Variants in PIGU observed in about 807,000 individuals in gnomAD.
The protein encoded by PIGU is GPI-anchor transamidase component PIGU.
PIGU carries 24 observed loss-of-function variants against 49.9 expected under a neutral mutation model. The observed-to-expected ratio is 0.48, with a 90% confidence interval of 0.35 to 0.68. The LOEUF (loss-of-function observed/expected upper bound fraction) is 0.68. PIGU is among the 30% of genes least tolerant of loss of function. The pLI is 0.01. For missense variants in PIGU, 490 were observed against 532.6 expected (o/e 0.92, Z 0.79); for synonymous variants, 220 against 205.7 (o/e 1.07, Z -0.59).
At chr20:34,656,839 G>A (rs6059968) in intron 2 of PIGU, among the ~76,000 whole-genome samples, 150,994 of 151,972 alleles carry the variant, frequency 0.99, 75,019 homozygotes, top group East Asian at 1. Flanking sequence ...CATTACTGCC[G>A]TAGTTTTCAT....
intron 1 of PIGU, among the ~76,000 whole-genome samples, chr20:34,660,239 G>A (rs1031250645): frequency 6.6e-6 from 1 of 152,018 alleles, no homozygotes; most frequent in Non-Finnish European, 1.5e-5. Context: ...AATCATCAAT[G>A]GATGCTAAAA....
chr20:34,647,555 C>T (rs1159726852), intron 2 of PIGU, among the ~76,000 whole-genome samples: 2 of 151,944 alleles, frequency 1.3e-5, no homozygotes, highest in Non-Finnish European at 2.9e-5. Context: ...CCACCATGCC[C>T]GGCCTAATTT....
intron 11 of PIGU, among the ~76,000 whole-genome samples, chr20:34,562,842 C>A (rs1345921760): frequency 6.6e-6 from 1 of 152,204 alleles, no homozygotes; most frequent in Non-Finnish European, 1.5e-5. Context: ...CAAAGGCTGA[C>A]CTCATACCCT....
chr20:34,582,578 GCT>G (rs1181246304), intron 9 of PIGU, among the ~76,000 whole-genome samples: 1 of 152,120 alleles, frequency 6.6e-6, no homozygotes, highest in Non-Finnish European at 1.5e-5. Flanking sequence ...TATTCAGGAG[GCT>G]GAGGTGGGAG....
At chr20:34,668,461 CA>C (rs1209882512) in intron 1 of PIGU, among the ~76,000 whole-genome samples, 59 of 21,284 alleles carry the variant, frequency 2.8e-3, no homozygotes, top group South Asian at 3.5e-3. Context: ...GACTCCGTCT[CA>C]AAAAAAAAAA....
chr20:34,587,377 G>A (rs1983738973), intron 8 of PIGU, among the ~76,000 whole-genome samples: 1 of 152,150 alleles, frequency 6.6e-6, no homozygotes, highest in Non-Finnish European at 1.5e-5. Context: ...ACAACATATA[G>A]TTGTACGAAT....
intron 6 of PIGU, among the ~76,000 whole-genome samples, chr20:34,633,888 A>G (rs1985873761): frequency 6.6e-6 from 1 of 152,044 alleles, no homozygotes; most frequent in South Asian, 2.1e-4. Flanking sequence ...AATCTTTATC[A>G]CTGTCCATGA....
chr20:34,661,035 AAG>A (rs1986912437), intron 1 of PIGU, among the ~76,000 whole-genome samples: 1 of 151,048 alleles, frequency 6.6e-6, no homozygotes, highest in Non-Finnish European at 1.5e-5. Flanking sequence ...TTTTAAAATT[AAG>A]AGTTAAAATT....
chr20:34,565,825 G>A (rs1281621876), intron 11 of PIGU, among the ~76,000 whole-genome samples: 4 of 133,434 alleles, frequency 3.0e-5, no homozygotes, highest in Non-Finnish European at 6.2e-5. Context: ...ACACAGGCTC[G>A]CACTGCACTC....
chr20:34,658,641 C>T (rs1454233394), intron 1 of PIGU, among the ~76,000 whole-genome samples: 9 of 151,586 alleles, frequency 5.9e-5, no homozygotes, highest in African/African-American at 9.7e-5. Context: ...TCTGCCCAGC[C>T]GCGACCCCAT....
At chr20:34,614,625 C>CAAA (rs11477079) in intron 7 of PIGU, among the ~76,000 whole-genome samples, 1 of 113,962 alleles carries the variant, frequency 8.8e-6, no homozygotes, top group Admixed American at 8.4e-5. Context: ...GACCTGCTCT[C>CAAA]AAAAAAAAAA....
intron 6 of PIGU, among the ~76,000 whole-genome samples, chr20:34,616,802 T>G (rs1188700071): frequency 1.3e-5 from 2 of 150,816 alleles, no homozygotes; most frequent in Admixed American, 1.3e-4. Context: ...AAAAAAAAAA[T>G]GCACAAACAT....
chr20:34,659,480 G>A (rs572944844), intron 1 of PIGU, among the ~76,000 whole-genome samples: 13 of 151,310 alleles, frequency 8.6e-5, no homozygotes, highest in African/African-American at 2.4e-4. Flanking sequence ...GGTGAGGGGC[G>A]CCTCTGCCCG....
intron 1 of PIGU, among the ~76,000 whole-genome samples, chr20:34,664,289 T>G (rs553743805): frequency 9.2e-5 from 14 of 152,322 alleles, no homozygotes; most frequent in African/African-American, 3.1e-4. Flanking sequence ...TAGCTGGGAC[T>G]ATAGGTGCAT....
At chr20:34,593,675 T>A (rs1256816353) in intron 7 of PIGU, among the ~76,000 whole-genome samples, 1 of 152,162 alleles carries the variant, frequency 6.6e-6, no homozygotes, top group East Asian at 1.9e-4. Flanking sequence ...TTGGAAAAGG[T>A]TGAATTAGAC....
At chr20:34,593,657 G>T (rs1357177103) in intron 7 of PIGU, among the ~76,000 whole-genome samples, 1 of 152,148 alleles carries the variant, frequency 6.6e-6, no homozygotes, top group Non-Finnish European at 1.5e-5. Context: ...GGACAACAAG[G>T]TAACCATTTG....
chr20:34,615,284 C>A (rs553128182), intron 7 of PIGU, among the ~76,000 whole-genome samples: 2 of 152,158 alleles, frequency 1.3e-5, no homozygotes, highest in Non-Finnish European at 2.9e-5. Flanking sequence ...AATTTGCATT[C>A]TTCAATTAAT....
intron 11 of PIGU, among the ~76,000 whole-genome samples, chr20:34,562,058 A>G (rs775142479): frequency 4.3e-4 from 66 of 152,190 alleles, no homozygotes; most frequent in Non-Finnish European, 8.2e-4. Context: ...GGCCACACAC[A>G]GAAGAATCAA....
At chr20:34,635,330 TG>T (rs1985924236) in intron 5 of PIGU, among the ~76,000 whole-genome samples, 1 of 152,176 alleles carries the variant, frequency 6.6e-6, no homozygotes, top group African/African-American at 2.4e-5. Context: ...CAGAATCCAC[TG>T]AGCCAGACCC....
Sources: allele counts gnomAD v4.1 joint callset (sites outside exome capture counted in the v4.1 genomes callset), GRCh38; gene constraint gnomAD v4.1.1; transcripts MANE v1.5; gene names NCBI Gene and HGNC (gene_info 2026-07-23, HGNC 2026-07-21).